The following LRRK2 variants were observed in gnomAD, a reference collection of about 807,000 sequenced individuals.
LRRK2 encodes leucine rich repeat kinase 2.
In LRRK2, 203 loss-of-function variants were observed where a neutral mutation model predicts 302.6. The observed-to-expected ratio is 0.67, with a 90% confidence interval of 0.60 to 0.75. LRRK2 has a LOEUF of 0.75. Among genes scored for constraint, LRRK2 ranks in the 30% least tolerant of loss-of-function variants. LRRK2 has a pLI of 0.00. For missense variants in LRRK2, 2,830 were observed against 2,951.0 expected, an observed-to-expected ratio of 0.96 and a Z score of 0.95; for synonymous variants, 1,066 against 1,031.9, an observed-to-expected ratio of 1.03 and a Z score of -0.63.
At chr12:40,287,318 T>A in intron 19 of LRRK2, 33 bp from the exon 20 acceptor site, 1 of 1,587,654 alleles carries the variant, frequency 6.3e-7, no homozygotes, top group Non-Finnish European at 8.6e-7. Context: ...TAATTGTTGA[T>A]TTCTAAGTTG....
chr12:40,329,559 A>T lies in LRRK2; in HGVS notation c.5757+1099A>T, dbSNP rs117408247. 2.8e-3 allele frequency among the ~76,000 whole-genome samples: 430 copies of T among 152,246 alleles called. 1 individual carries two copies. The highest frequency in any genetic ancestry group is 4.7e-3 in the Non-Finnish European group (323 of 68,024). ...TTTATATATTTTTTTATTTGTACAG[A>T]ACCAAAATATTTCTACTTCTAGATA... On this transcript the variant is annotated intron_variant, in intron 39 of 50. Transcript: ENST00000298910.
chr12:40,342,899 G>A (rs1592314562), intron 41 of LRRK2, among the ~76,000 whole-genome samples: 1 of 152,276 alleles, frequency 6.6e-6, no homozygotes, highest in East Asian at 1.9e-4. Context: ...ACCTTCCAGA[G>A]CATGAGCGAT....
intron 38 of LRRK2, among the ~76,000 whole-genome samples, chr12:40,327,684 G>A (rs1268613122): frequency 6.6e-6 from 1 of 152,064 alleles, no homozygotes; most frequent in Admixed American, 6.5e-5. Flanking sequence ...GCAAGAGAGA[G>A]AGAATGAGTT....
intron 11 of LRRK2, 78 bp from the exon 12 acceptor site, chr12:40,257,170 T>C (rs1942556407): frequency 9.4e-7 from 1 of 1,066,148 alleles, no homozygotes; most frequent in East Asian, 2.6e-5. Context: ...ATTTGGACTA[T>C]ATTAATATTC....
chr12:40,348,541 A>C (rs1172930497), intron 43 of LRRK2, 32 bp downstream of exon 43: 3 of 1,423,344 alleles, frequency 2.1e-6, no homozygotes, highest in Middle Eastern at 4.0e-4. Context: ...TATTTTGTAC[A>C]GAACATCATT....
At position 40,323,397 on chromosome 12, in the gene LRRK2, G is replaced by C. The variant is rs1945456683; in HGVS notation, c.5656+91G>C. 26 of 1,073,100 alleles carry C rather than the reference G, an allele frequency of 2.4e-5. 1 individual carries two copies. The South Asian group carries it at 3.9e-4, about 16-fold the overall frequency. 66.5% of individuals were successfully genotyped at this position (1,073,100 alleles called of 1,614,324 possible). On this transcript the variant is annotated intron_variant, in intron 38 of 50. Coordinates refer to ENST00000298910, the MANE Select transcript of LRRK2 (RefSeq NM_198578.4). ...TAGATTTCATAATTATATTGTCATA[G>C]ATTTTACTGTCTTCATATATTTGTT...
In LRRK2 at chr12:40,356,176, A is replaced by G. The variant is rs979471754; in HGVS notation, c.6832A>G (p.Lys2278Glu). The G allele has an allele frequency of 2.5e-6, 4 of 1,610,686 alleles. No individual in the cohort carries two copies. Among genetic ancestry groups the G allele is most frequent in the Non-Finnish European group, 3.4e-6 (4 of 1,178,174 alleles). The change falls in exon 46 of 51, where the codon AAG becomes GAG. Residue 2278 changes from lysine (K) to glutamate (E), a missense_variant. Transcript: ENST00000298910. Reference sequence around the variant, plus strand: ...TGGCAAGTTAGCAATTTTTGAAGATAAGACTGTTAAGGTAAATGTTGAATG... The same window carrying G: ...TGGCAAGTTAGCAATTTTTGAAGATGAGACTGTTAAGGTAAATGTTGAATG... ...ADGKLAIFED[K>E]TVKLKGAAPL...
chr12:40,361,855 C>G (rs552618306), intron 47 of LRRK2, among the ~76,000 whole-genome samples: 63 of 152,176 alleles, frequency 4.1e-4, no homozygotes, highest in Admixed American at 1.2e-3. Flanking sequence ...GTACCCTCAT[C>G]ATCATCAGTA....
At chr12:40,325,981 C>A (rs992799994) in intron 38 of LRRK2, among the ~76,000 whole-genome samples, 1 of 152,156 alleles carries the variant, frequency 6.6e-6, no homozygotes, top group African/African-American at 2.4e-5. Flanking sequence ...ACAGGTATTT[C>A]CACTTCAGTG....
intron 18 of LRRK2, among the ~76,000 whole-genome samples, chr12:40,283,002 C>CT (rs1326153736): frequency 6.6e-6 from 1 of 151,912 alleles, no homozygotes; most frequent in Non-Finnish European, 1.5e-5. Context: ...AAATACTCAT[C>CT]TATAAAATGG....
intron 36 of LRRK2, 31 bp downstream of exon 36, chr12:40,322,212 G>A: frequency 7.0e-6 from 11 of 1,582,006 alleles, no homozygotes; most frequent in Non-Finnish European, 9.5e-6. Flanking sequence ...GTTTTCAATT[G>A]CAACACTAAA....
rs758883227 is a variant in LRRK2 at position 40,259,475 on chromosome 12, C to T, written c.1419-5C>T. 3 of 1,612,740 alleles carry T rather than the reference C, an allele frequency of 1.9e-6. No homozygotes were observed. Among genetic ancestry groups the T allele is most frequent in the Middle Eastern group, 1.7e-4 (1 of 6,056 alleles). The stretch of plus-strand genomic sequence containing the variant: ...TCAATAAGCATGCCAATTTTATATC[C>T]CCAGCAACACTTCCCTGGATATAAT... On this transcript the variant is annotated splice_polypyrimidine_tract_variant and splice_region_variant and intron_variant, in intron 12 of 50. Transcript: ENST00000298910.
chr12:40,239,368 G>A (rs1019574211), intron 5 of LRRK2, among the ~76,000 whole-genome samples: 2 of 152,046 alleles, frequency 1.3e-5, no homozygotes, highest in African/African-American at 2.4e-5. Context: ...CTAAGCTTTC[G>A]ATGACAATTA....
chr12:40,336,224 G>C (rs1945865179), intron 40 of LRRK2, among the ~76,000 whole-genome samples: 1 of 152,086 alleles, frequency 6.6e-6, no homozygotes, highest in Admixed American at 6.5e-5. Context: ...ATTTCACTCA[G>C]GAATGTCTGA....
chr12:40,235,686 G>A lies in LRRK2; in HGVS notation c.408G>A (p.Leu136=), dbSNP rs1355409391. 1 of 1,605,156 alleles carries A rather than the reference G, an allele frequency of 6.2e-7. No individual in the cohort carries two copies. Among genetic ancestry groups the A allele is most frequent in the Non-Finnish European group, 8.5e-7 (1 of 1,172,382 alleles). The change falls in exon 4 of 51, where the codon CTG becomes CTA. Residue 136 remains leucine, a synonymous_variant. Coordinates refer to ENST00000298910, the MANE Select transcript of LRRK2 (RefSeq NM_198578.4). ...NASVNLSVIG[L]KTLDLLLTSG... ...GTGTAAACTTGTCAGTGATTGGACT[G>A]AAGACCTTAGATCTCCTCCTAACTT...
intron 44 of LRRK2, among the ~76,000 whole-genome samples, chr12:40,353,234 C>T (rs557688238): frequency 2.4e-5 from 3 of 126,386 alleles, no homozygotes; most frequent in African/African-American, 8.4e-5. Flanking sequence ...GACGGGGCAG[C>T]TGCCAGGCAA....
intron 2 of LRRK2, among the ~76,000 whole-genome samples, chr12:40,231,250 T>C (rs1265142103): frequency 6.6e-6 from 1 of 151,966 alleles, no homozygotes; most frequent in Non-Finnish European, 1.5e-5. Flanking sequence ...GTCAGGTAGA[T>C]ATGACTTAAA....
intron 7 of LRRK2, among the ~76,000 whole-genome samples, chr12:40,245,043 A>G (rs1183270410): frequency 2.1e-4 from 32 of 150,366 alleles, no homozygotes; most frequent in Admixed American, 2.0e-3. Flanking sequence ...GACTTGTAGC[A>G]TGTCTTTTCA....
chr12:40,329,671 T>A (rs760278055), intron 39 of LRRK2, among the ~76,000 whole-genome samples: 2 of 152,164 alleles, frequency 1.3e-5, no homozygotes, highest in Non-Finnish European at 2.9e-5. Flanking sequence ...TCTCTATTGT[T>A]ATGTATTTAT....
Sources: gnomAD v4.1 joint callset for allele counts (sites outside exome capture counted in the v4.1 genomes callset) on GRCh38, gnomAD v4.1.1 for gene constraint, MANE v1.5 for transcripts, NCBI Gene and HGNC (gene_info 2026-07-23, HGNC 2026-07-21) for gene names.